The following VPS13C variants were observed in gnomAD, a reference collection of about 807,000 sequenced individuals.
The protein encoded by VPS13C is intermembrane lipid transfer protein VPS13C.
In VPS13C, 358 loss-of-function variants were observed where a neutral mutation model predicts 456.8. That is an observed-to-expected ratio of 0.78 (90% confidence interval 0.72 to 0.86). The LOEUF is 0.86. Among genes scored for constraint, VPS13C ranks in the 40% least tolerant of loss-of-function variants. The pLI, the probability that VPS13C is intolerant of heterozygous loss-of-function variation, is 0.00. For missense variants in VPS13C, 4,818 were observed against 4,385.4 expected, an observed-to-expected ratio of 1.10 and a Z score of -2.79; for synonymous variants, 1,578 against 1,486.7, an observed-to-expected ratio of 1.06 and a Z score of -1.41.
intron 25 of VPS13C, 82 bp downstream of exon 25, chr15:61,974,206 T>A: frequency 7.3e-7 from 1 of 1,373,394 alleles, no homozygotes; most frequent in Non-Finnish European, 9.6e-7. Flanking sequence ...CTTTCACTTA[T>A]AAACCTTGCC....
At chr15:61,879,859 C>A (rs1246572248) in intron 73 of VPS13C, among the ~76,000 whole-genome samples, 2 of 151,990 alleles carry the variant, frequency 1.3e-5, no homozygotes, top group Admixed American at 1.3e-4. Flanking sequence ...ACTAATAGAT[C>A]AATTTAAAAT....
At chr15:61,984,535 A>G (rs1050234208) in intron 19 of VPS13C, among the ~76,000 whole-genome samples, 3 of 152,184 alleles carry the variant, frequency 2.0e-5, no homozygotes, top group East Asian at 1.9e-4. Context: ...AATTTTTTGT[A>G]TATCTTTTAT....
rs1178057626 is a variant in VPS13C, at chr15:61,940,779, A to T, written c.5469T>A (p.Ala1823=). 6.2e-7 allele frequency: 1 copy of T among 1,610,460 alleles called. No individual in the cohort carries two copies. The highest frequency in any genetic ancestry group is 1.7e-5 in the Admixed American group (1 of 59,444). The change falls in exon 47 of 85, where the codon GCT becomes GCA. Residue 1823 remains alanine (A), a synonymous_variant. Transcript: ENST00000644861. ...QLKLSRTILQ[A]SLPQNDIEIL... ...TTTCAATGTCATTTTGTGGCAAGCT[A>T]GCCTGCAAAATAGTTCTGAAAGAAA...
At chr15:62,013,873 C>A in intron 10 of VPS13C, 60 bp downstream of exon 10, 1 of 1,298,854 alleles carries the variant, frequency 7.7e-7, no homozygotes, top group South Asian at 1.3e-5. Context: ...AATGTTTCTT[C>A]AAGAAAATAA....
At chr15:61,870,567 T>C (rs943765128) in intron 79 of VPS13C, among the ~76,000 whole-genome samples, 1 of 152,228 alleles carries the variant, frequency 6.6e-6, no homozygotes, top group African/African-American at 2.4e-5. Flanking sequence ...CTTTTGGTTA[T>C]TTTGAATAAT....
At chr15:62,029,878 G>T (rs1054864997) in intron 5 of VPS13C, among the ~76,000 whole-genome samples, 1 of 152,010 alleles carries the variant, frequency 6.6e-6, no homozygotes, top group African/African-American at 2.4e-5. Flanking sequence ...AAGAATTTTC[G>T]AAATTATATC....
In VPS13C at chr15:62,060,444, C is replaced by G; in HGVS notation, c.-70G>C. ...GCGCAGCTGAGGGCTGCGACCAGCG[C>G]TGCAAATGACAGCCCCTCCGGCGCA... On this transcript the variant is annotated 5_prime_UTR_variant, in exon 1 of 85. Transcript: ENST00000644861. 1 of 756,368 alleles carries G rather than the reference C, an allele frequency of 1.3e-6. No individual in the cohort carries two copies. The highest frequency in any genetic ancestry group is 2.1e-6 in the Non-Finnish European group (1 of 472,030). 46.9% of individuals were successfully genotyped at this position (756,368 alleles called of 1,614,324 possible).
intron 39 of VPS13C, 54 bp downstream of exon 39, chr15:61,951,770 G>T: frequency 6.6e-7 from 1 of 1,524,648 alleles, no homozygotes; most frequent in Non-Finnish European, 8.9e-7. Flanking sequence ...TTGATAAAAA[G>T]GTAGGGATCA....
intron 75 of VPS13C, 102 bp from the exon 76 acceptor site, chr15:61,875,947 T>G (rs1895392849): frequency 1.2e-6 from 1 of 810,264 alleles, no homozygotes; most frequent in Non-Finnish European, 1.9e-6. Flanking sequence ...TAAGTTTGTG[T>G]TAAAAGAAAG....
intron 40 of VPS13C, among the ~76,000 whole-genome samples, 195 bp downstream of exon 40, chr15:61,950,750 C>T (rs1411247250): frequency 1.3e-5 from 2 of 151,830 alleles, no homozygotes; most frequent in South Asian, 2.1e-4. Flanking sequence ...TAGGTTATTA[C>T]CATTTATTCA....
intron 46 of VPS13C, 21 bp from the exon 47 acceptor site, chr15:61,940,815 T>C (rs2044395835): frequency 6.2e-7 from 1 of 1,600,978 alleles, no homozygotes; most frequent in Non-Finnish European, 8.5e-7. Context: ...AACAAGAATT[T>C]ATTTTTTACT....
intron 1 of VPS13C, among the ~76,000 whole-genome samples, chr15:62,058,279 C>T (rs999585290): frequency 2.6e-5 from 4 of 152,158 alleles, no homozygotes; most frequent in African/African-American, 4.8e-5. Context: ...TGCCAGTATT[C>T]TGAAGAAATA....
intron 81 of VPS13C, chr15:61,866,118 C>G: frequency 2.0e-6 from 2 of 984,866 alleles, no homozygotes; most frequent in African/African-American, 3.5e-5. Flanking sequence ...TTTTACCCAA[C>G]TAACTGATCA....
intron 6 of VPS13C, among the ~76,000 whole-genome samples, chr15:62,024,879 G>A (rs77266037): frequency 2.0e-4 from 31 of 152,020 alleles, no homozygotes; most frequent in African/African-American, 7.2e-4. Flanking sequence ...GTGAACTTCC[G>A]TCACCCTCCC....
intron 20 of VPS13C, among the ~76,000 whole-genome samples, chr15:61,983,302 T>A (rs141956730): frequency 1.5e-3 from 225 of 152,292 alleles, no homozygotes; most frequent in African/African-American, 5.2e-3. Context: ...TCCATACTGA[T>A]GACTAACTTG....
chr15:61,986,592 AT>A (rs1450732486), intron 18 of VPS13C, among the ~76,000 whole-genome samples: 1 of 152,066 alleles, frequency 6.6e-6, no homozygotes. Context: ...GGAAGTGAGG[AT>A]TTTTTTCCCA....
At chr15:62,032,898 G>C (rs566256127) in intron 5 of VPS13C, among the ~76,000 whole-genome samples, 235 of 151,580 alleles carry the variant, frequency 1.6e-3, no homozygotes, top group Admixed American at 2.8e-3. Flanking sequence ...AAAGTCATCA[G>C]ATTTATTTTT....
chr15:62,036,079 T>C (rs1234985101), intron 3 of VPS13C, among the ~76,000 whole-genome samples: 2 of 152,044 alleles, frequency 1.3e-5, no homozygotes, highest in Non-Finnish European at 2.9e-5. Context: ...TATCCAAACC[T>C]TTCCTACACA....
intron 67 of VPS13C, among the ~76,000 whole-genome samples, chr15:61,888,634 G>A (rs1480954298): frequency 1.3e-5 from 2 of 152,058 alleles, no homozygotes; most frequent in African/African-American, 4.8e-5. Context: ...CCAACTATAT[G>A]AAATTCTGAA....
Sources: allele counts gnomAD v4.1 joint callset (sites outside exome capture counted in the v4.1 genomes callset), GRCh38; gene constraint gnomAD v4.1.1; transcripts MANE v1.5; gene names NCBI Gene and HGNC (gene_info 2026-07-23, HGNC 2026-07-21).